The following PIK3C2G variants were observed in gnomAD, a reference collection of about 807,000 sequenced individuals.
PIK3C2G encodes phosphatidylinositol 3-kinase C2 domain-containing subunit gamma.
A neutral mutation model predicts 181.1 loss-of-function variants in PIK3C2G; 168 were observed. The observed-to-expected ratio is 0.93, with a 90% CI of 0.82 to 1.05. The LOEUF (loss-of-function observed/expected upper bound fraction) is 1.05. Ranked by LOEUF, PIK3C2G falls within the 50% of genes least tolerant of loss-of-function variation. The pLI, the probability that PIK3C2G is intolerant of heterozygous loss-of-function variation, is 0.00. For missense variants in PIK3C2G, 1,869 were observed against 1,732.8 expected (o/e 1.08, Z -1.40); for synonymous variants, 573 against 592.2 (o/e 0.97, Z 0.47).
intron 15 of PIK3C2G, among the ~76,000 whole-genome samples, chr12:18,397,050 G>A (rs79384520): frequency 0.011 from 1,678 of 151,942 alleles, 28 homozygotes; most frequent in African/African-American, 0.039. Context: ...AAGATAATGT[G>A]ATATTGCTTA....
rs11044068 is a variant in PIK3C2G, at chr12:18,392,512, C to T, written c.2126+1260C>T. Among the ~76,000 whole-genome samples, 428 of 152,224 alleles carry T rather than the reference C, an allele frequency of 2.8e-3. 1 individual carries two copies. The highest frequency in any genetic ancestry group is 9.5e-3 in the African/African-American group (396 of 41,568). The stretch of plus-strand genomic sequence containing the variant: ...AAGGCCTTTTTATTTGATATTCCCT[C>T]TGCCTGAAAAACTGTTTCCTAAGTT... On this transcript the variant is annotated intron_variant, in intron 15 of 32. Transcript: ENST00000538779.
intron 24 of PIK3C2G, among the ~76,000 whole-genome samples, chr12:18,518,471 A>T (rs550302820): frequency 6.6e-6 from 1 of 152,206 alleles, no homozygotes; most frequent in East Asian, 1.9e-4. Flanking sequence ...GGGAGGGTGT[A>T]TGTGTCCAGG....
downstream of PIK3C2G, among the ~76,000 whole-genome samples, chr12:18,650,401 ATT>A (rs63132060): frequency 1.4e-4 from 19 of 136,526 alleles, no homozygotes; most frequent in African/African-American, 4.1e-4. Flanking sequence ...ATACACACAC[ATT>A]TTTTTTTTAA....
intron 11 of PIK3C2G, among the ~76,000 whole-genome samples, chr12:18,351,088 C>A (rs1428488965): frequency 1.3e-5 from 2 of 151,732 alleles, no homozygotes; most frequent in Non-Finnish European, 2.9e-5. Context: ...TTTCCAATAA[C>A]CTATATAATA....
upstream of PIK3C2G, among the ~76,000 whole-genome samples, chr12:18,243,050 T>A (rs1156314375): frequency 6.6e-6 from 1 of 152,110 alleles, no homozygotes; most frequent in Non-Finnish European, 1.5e-5. Context: ...ACATATAAGG[T>A]AAGTAATGTA....
chr12:18,707,709 T>C, the PIK3C2G span, among the ~76,000 whole-genome samples: 4 of 152,188 alleles, frequency 2.6e-5, no homozygotes, highest in African/African-American at 9.6e-5. Flanking sequence ...TGTAATTTCA[T>C]GTCCTCTTTT....
chr12:18,451,438 C>T (rs1020682065), intron 18 of PIK3C2G, among the ~76,000 whole-genome samples: 1 of 152,184 alleles, frequency 6.6e-6, no homozygotes, highest in African/African-American at 2.4e-5. Context: ...AATCCTGAGA[C>T]TTTGCTGAAG....
rs540224952 is a variant in PIK3C2G, at chr12:18,266,203, G to A, written c.-79+4626G>A. Reference sequence around the variant, plus strand: ...TATTCCTGCTGAATATAATGTAAATGTTATCACATTTTGATTCCTCTAGTG... The same window carrying A: ...TATTCCTGCTGAATATAATGTAAATATTATCACATTTTGATTCCTCTAGTG... On this transcript the variant is annotated intron_variant, in intron 1 of 32. Transcript: ENST00000538779. Among the ~76,000 whole-genome samples the A allele has an allele frequency of 5.9e-5, 9 of 151,898 alleles. No individual in the cohort carries two copies. In the South Asian group the frequency reaches 1.9e-3, roughly 32 times the overall value.
chr12:18,293,620 T>C (rs1949806522), intron 4 of PIK3C2G, among the ~76,000 whole-genome samples: 1 of 152,300 alleles, frequency 6.6e-6, no homozygotes, highest in South Asian at 2.1e-4. Flanking sequence ...TATGCAGAAC[T>C]GCAGTGTACC....
chr12:18,663,645 G>GA, the PIK3C2G span, among the ~76,000 whole-genome samples: 75 of 149,282 alleles, frequency 5.0e-4, no homozygotes, highest in African/African-American at 1.7e-3. Context: ...AAAACTCTTA[G>GA]AAAAAAAAAC....
At chr12:18,494,393 TGTGTGGGTGG>T (rs1940833172) in intron 20 of PIK3C2G, among the ~76,000 whole-genome samples, 1 of 152,110 alleles carries the variant, frequency 6.6e-6, no homozygotes, top group African/African-American at 2.4e-5. Context: ...AATATGTGTG[TGTGTGGGTGG>T]GTGTGGGTGT....
intron 7 of PIK3C2G, among the ~76,000 whole-genome samples, chr12:18,322,638 G>C (rs1266214407): frequency 1.3e-5 from 2 of 152,120 alleles, no homozygotes; most frequent in Admixed American, 1.3e-4. Flanking sequence ...CTAGTCATCA[G>C]TGGCAGGACT....
intron 15 of PIK3C2G, among the ~76,000 whole-genome samples, chr12:18,399,098 G>C (rs1042832512): frequency 4.0e-5 from 6 of 149,262 alleles, no homozygotes; most frequent in Non-Finnish European, 8.9e-5. Flanking sequence ...GGGAGGCTGA[G>C]GCAGGAGAAT....
chr12:18,373,954 T>G (rs769900701), intron 13 of PIK3C2G, among the ~76,000 whole-genome samples: 1 of 152,170 alleles, frequency 6.6e-6, no homozygotes, highest in Non-Finnish European at 1.5e-5. Context: ...GCATTTGTAA[T>G]GTAGCCACAA....
At chr12:18,560,655 T>C (rs1440868331) in intron 26 of PIK3C2G, among the ~76,000 whole-genome samples, 2 of 151,582 alleles carry the variant, frequency 1.3e-5, no homozygotes, top group Non-Finnish European at 2.9e-5. Context: ...ATAATAGTAG[T>C]CCCTGAGAAA....
chr12:18,704,761 GAA>G, the PIK3C2G span, among the ~76,000 whole-genome samples: 5 of 152,142 alleles, frequency 3.3e-5, no homozygotes, highest in African/African-American at 1.2e-4. Context: ...CAGGGAAATT[GAA>G]AAGAGTAGAT....
chr12:18,362,833 CA>C lies in PIK3C2G; in HGVS notation c.1696del (p.Arg566GlufsTer25). ...GKKLCQVRNY[R>X]NIPDKKLFFF... Reference sequence around the variant, plus strand: ...AGAAGCTGTGCCAAGTGAGAAACTACAGAAATATTCCAGACAAGAAATTATT... The same window carrying C: ...AGAAGCTGTGCCAAGTGAGAAACTACGAAATATTCCAGACAAGAAATTATT... On this transcript the variant is annotated frameshift_variant, in exon 12 of 33. Transcript: ENST00000538779. LOFTEE classifies it high-confidence loss of function. 3 of 1,520,048 alleles carry C rather than the reference CA, an allele frequency of 2.0e-6. No individual in the cohort carries two copies. Among genetic ancestry groups the C allele is most frequent in the Non-Finnish European group, 2.6e-6 (3 of 1,137,674 alleles). The allele number at this position is 1,520,048 out of a possible 1,614,324, so 94.2% of individuals were successfully genotyped here.
the PIK3C2G span, chr12:18,700,090 C>G: frequency 2.8e-6 from 2 of 707,426 alleles, no homozygotes; most frequent in African/African-American, 3.6e-5. Context: ...ATTTGATTAA[C>G]TCAATATGAT....
At chr12:18,640,030 T>C (rs1385034316) in intron 31 of PIK3C2G, among the ~76,000 whole-genome samples, 1 of 151,922 alleles carries the variant, frequency 6.6e-6, no homozygotes, top group Non-Finnish European at 1.5e-5. Flanking sequence ...ATTTTATATA[T>C]TGAACTTGAA....
Sources: gnomAD v4.1 joint callset for allele counts (sites outside exome capture counted in the v4.1 genomes callset) on GRCh38, gnomAD v4.1.1 for gene constraint, MANE v1.5 for transcripts, NCBI Gene and HGNC (gene_info 2026-07-23, HGNC 2026-07-21) for gene names.